ATP11B: variants seen among roughly 807,000 people sequenced by gnomAD.
The protein encoded by ATP11B is phospholipid-transporting ATPase IF.
Under a neutral mutation model 157.8 loss-of-function variants are expected in ATP11B, and 81 were observed. That is an observed-to-expected ratio of 0.51 (90% confidence interval 0.43 to 0.62). The LOEUF is 0.62. Ranked by LOEUF, ATP11B falls within the 20% of genes least tolerant of loss-of-function variation. The probability of loss-of-function intolerance (pLI) is 0.00; values close to 1 mark genes in which losing one functional copy is unlikely to be tolerated. For synonymous variants in ATP11B, 451 were observed against 469.4 expected (o/e 0.96, Z 0.51); for missense variants, 1,165 against 1,402.2 (o/e 0.83, Z 2.70).
chr3:182,867,029 A>G (rs1721293662), intron 14 of ATP11B, among the ~76,000 whole-genome samples: 1 of 151,632 alleles, frequency 6.6e-6, no homozygotes, highest in Non-Finnish European at 1.5e-5. Flanking sequence ...GGTTCAAGCC[A>G]TTCTCCTGAC....
intron 12 of ATP11B, among the ~76,000 whole-genome samples, chr3:182,863,387 T>C (rs1010208700): frequency 1.3e-5 from 2 of 152,146 alleles, no homozygotes; most frequent in African/African-American, 4.8e-5. Flanking sequence ...CCTCCTTTTT[T>C]CTTCATGATA....
intron 7 of ATP11B, among the ~76,000 whole-genome samples, chr3:182,839,777 AT>A (rs1718859419): frequency 6.6e-6 from 1 of 151,604 alleles, no homozygotes; most frequent in Admixed American, 6.6e-5. Flanking sequence ...CACCCTGTTA[AT>A]TTTTTTGTAT....
chr3:182,819,217 C>T (rs886637304), intron 1 of ATP11B, among the ~76,000 whole-genome samples: 2 of 151,780 alleles, frequency 1.3e-5, no homozygotes, highest in Non-Finnish European at 2.9e-5. Flanking sequence ...TACAGGCGCC[C>T]GCCACCACGC....
chr3:182,913,361 T>C lies in ATP11B; in HGVS notation c.3319-500T>C, dbSNP rs146748990. Among the ~76,000 whole-genome samples, 299 of 152,322 alleles carry C rather than the reference T, an allele frequency of 2.0e-3. 1 individual carries two copies. The highest frequency in any genetic ancestry group is 6.9e-3 in the African/African-American group (286 of 41,582). On this transcript the variant is annotated intron_variant, in intron 28 of 29. Coordinates refer to ENST00000323116, the MANE Select transcript of ATP11B (RefSeq NM_014616.3). ...TGTTTGCTGCCATTGTTGTTGTTAC[T>C]GAACATTGGGGTGAGGTCCTGCCTG...
chr3:182,845,798 A>G (rs1719470904), intron 9 of ATP11B, among the ~76,000 whole-genome samples: 2 of 152,192 alleles, frequency 1.3e-5, no homozygotes, highest in African/African-American at 4.8e-5. Context: ...TAACACTTCT[A>G]GTAATGGTGG....
intron 1 of ATP11B, among the ~76,000 whole-genome samples, chr3:182,811,590 A>G (rs1716671150): frequency 6.6e-6 from 1 of 152,194 alleles, no homozygotes; most frequent in Non-Finnish European, 1.5e-5. Context: ...TACACCTCTT[A>G]GCTATAATAG....
At chr3:182,820,413 G>T in intron 2 of ATP11B, 37 bp downstream of exon 2, 1 of 1,369,382 alleles carries the variant, frequency 7.3e-7, no homozygotes, top group Non-Finnish European at 1.0e-6. Flanking sequence ...GCCAGGTGCA[G>T]TGGCTCATAC....
intron 1 of ATP11B, among the ~76,000 whole-genome samples, chr3:182,813,681 A>C (rs1716804011): frequency 6.6e-6 from 1 of 152,200 alleles, no homozygotes; most frequent in Non-Finnish European, 1.5e-5. Context: ...CAAATTAAAT[A>C]ACATAAAAGT....
intron 28 of ATP11B, among the ~76,000 whole-genome samples, chr3:182,910,374 G>A (rs1411947333): frequency 2.0e-5 from 3 of 152,048 alleles, no homozygotes; most frequent in Non-Finnish European, 2.9e-5. Context: ...CCAGGAGTTT[G>A]AGACCAGCCT....
At position 182,836,316 on chromosome 3, in the gene ATP11B, T is replaced by C. The variant is rs1348033262; in HGVS notation, c.424-26T>C. 6 of 1,612,344 alleles carry C rather than the reference T, an allele frequency of 3.7e-6. No individual in the cohort carries two copies. The East Asian group carries it at 1.1e-4, about 30-fold the overall frequency. ...TCCTTGCCTTTTAAAATTTATAAATTCACTCTTCCCCAAAATTCTTTATAG... is the reference window on the plus strand; with the variant it reads ...TCCTTGCCTTTTAAAATTTATAAATCCACTCTTCCCCAAAATTCTTTATAG... On this transcript the variant is annotated intron_variant, in intron 5 of 29. Coordinates refer to ENST00000323116, the MANE Select transcript of ATP11B (RefSeq NM_014616.3).
chr3:182,886,900 A>G (rs674548), intron 23 of ATP11B, among the ~76,000 whole-genome samples: 127,652 of 152,166 alleles, frequency 0.84, 53,971 homozygotes, highest in African/African-American at 0.9. Context: ...TTGATTACCG[A>G]TAAAAGTTTG....
At chr3:182,877,441 A>G (rs1054269223) in intron 19 of ATP11B, among the ~76,000 whole-genome samples, 6 of 152,236 alleles carry the variant, frequency 3.9e-5, no homozygotes, top group Non-Finnish European at 7.3e-5. Flanking sequence ...TAGAAGTTCA[A>G]GACCAGCCTG....
chr3:182,815,857 T>C (rs1404492850), intron 1 of ATP11B, among the ~76,000 whole-genome samples: 1 of 152,236 alleles, frequency 6.6e-6, no homozygotes, highest in Non-Finnish European at 1.5e-5. Flanking sequence ...GATTTTAAGA[T>C]AATGCAGAGG....
At chr3:182,843,281 G>T (rs924933789) in intron 8 of ATP11B, among the ~76,000 whole-genome samples, 2 of 152,176 alleles carry the variant, frequency 1.3e-5, no homozygotes, top group African/African-American at 2.4e-5. Flanking sequence ...CCCATGAAAT[G>T]ATATCAGAAT....
intron 25 of ATP11B, among the ~76,000 whole-genome samples, chr3:182,894,048 C>G (rs1278624708): frequency 6.6e-6 from 1 of 152,030 alleles, no homozygotes; most frequent in Non-Finnish European, 1.5e-5. Context: ...CTTGCTGATC[C>G]GTTTGAGTTG....
intron 29 of ATP11B, chr3:182,917,700 T>TCTTA (rs1358921297): frequency 1.0e-6 from 1 of 985,314 alleles, no homozygotes; most frequent in East Asian, 1.1e-4. Flanking sequence ...TGTGCATAAC[T>TCTTA]CTTAATAACA....
intron 18 of ATP11B, among the ~76,000 whole-genome samples, chr3:182,873,254 G>A (rs769783200): frequency 6.6e-5 from 10 of 152,090 alleles, no homozygotes; most frequent in Non-Finnish European, 1.5e-4. Flanking sequence ...TTCTGAGATT[G>A]AATTCTGCAG....
At chr3:182,907,311 T>G (rs1429168598) in intron 28 of ATP11B, among the ~76,000 whole-genome samples, 1 of 152,206 alleles carries the variant, frequency 6.6e-6, no homozygotes, top group Non-Finnish European at 1.5e-5. Flanking sequence ...AAAGTGCTGT[T>G]GTCTCATATG....
chr3:182,905,217 G>C (rs1284533327), intron 28 of ATP11B, among the ~76,000 whole-genome samples: 1 of 152,102 alleles, frequency 6.6e-6, no homozygotes, highest in Non-Finnish European at 1.5e-5. Context: ...AATAAAGATG[G>C]CTATGGAAAC....
Sources: allele counts gnomAD v4.1 joint callset (sites outside exome capture counted in the v4.1 genomes callset), GRCh38; gene constraint gnomAD v4.1.1; transcripts MANE v1.5; gene names NCBI Gene and HGNC (gene_info 2026-07-23, HGNC 2026-07-21).